Variants in FRMD4A observed in about 807,000 individuals in gnomAD.
FRMD4A encodes FERM domain containing 4A, also known as FERM domain-containing protein 4A.
FRMD4A carries 29 observed loss-of-function variants against 129.1 expected under a neutral mutation model. That is an observed-to-expected ratio of 0.22 (90% CI 0.17 to 0.31). The LOEUF is 0.31. FRMD4A is among the 10% of genes least tolerant of loss of function. The probability of loss-of-function intolerance (pLI) is 1.00; values close to 1 mark genes in which losing one functional copy is unlikely to be tolerated. For missense variants in FRMD4A, 1,272 were observed against 1,375.8 expected, an observed-to-expected ratio of 0.92 and a Z score of 1.19; for synonymous variants, 634 against 571.6, an observed-to-expected ratio of 1.11 and a Z score of -1.56.
At chr10:13,760,884 T>TTC (rs397728560) in intron 8 of FRMD4A, among the ~76,000 whole-genome samples, 1 of 145,954 alleles carries the variant, frequency 6.9e-6, no homozygotes, top group Non-Finnish European at 1.5e-5. Flanking sequence ...TTTTTTTTTT[T>TTC]CAGAGGAGCT....
intron 8 of FRMD4A, among the ~76,000 whole-genome samples, chr10:13,758,790 G>C (rs546338720): frequency 3.9e-5 from 6 of 152,116 alleles, no homozygotes; most frequent in African/African-American, 1.4e-4. Context: ...GATTTTAGTT[G>C]AACTAAGGAG....
chr10:13,801,879 A>C (rs2400022), intron 4 of FRMD4A, among the ~76,000 whole-genome samples: 151,088 of 152,246 alleles, frequency 0.99, 74,987 homozygotes, highest in East Asian at 1. Flanking sequence ...GAATGGGACG[A>C]AAAGTCATAA....
At chr10:14,259,249 G>A (rs1844719223) in intron 2 of FRMD4A, among the ~76,000 whole-genome samples, 1 of 152,080 alleles carries the variant, frequency 6.6e-6, no homozygotes, top group African/African-American at 2.4e-5. Context: ...CATGTAAATG[G>A]TAATTTACCT....
chr10:14,033,816 GAAAAGAAAGAAAAA>G (rs1833371805), intron 2 of FRMD4A, among the ~76,000 whole-genome samples: 1 of 144,086 alleles, frequency 6.9e-6, no homozygotes, highest in African/African-American at 2.6e-5. Flanking sequence ...GAGAGAGAAA[GAAAAGAAAGAAAAA>G]AAAGAAAAGA....
intron 2 of FRMD4A, among the ~76,000 whole-genome samples, chr10:13,875,217 G>A (rs181719353): frequency 6.1e-4 from 93 of 152,324 alleles, no homozygotes; most frequent in African/African-American, 2.1e-3. Flanking sequence ...GGAGCTAATC[G>A]TCTGAGTGAG....
chr10:14,107,055 T>C (rs1374230019), intron 2 of FRMD4A, among the ~76,000 whole-genome samples: 4 of 152,168 alleles, frequency 2.6e-5, no homozygotes, highest in African/African-American at 9.6e-5. Context: ...TGCAGCAACA[T>C]GGATACAGCT....
intron 6 of FRMD4A, among the ~76,000 whole-genome samples, chr10:13,763,762 G>A (rs1310659624): frequency 6.6e-6 from 1 of 152,032 alleles, no homozygotes; most frequent in Admixed American, 6.6e-5. Context: ...CTGAGACAGA[G>A]TCTTGCTGTG....
chr10:13,993,012 G>T (rs1326112366), intron 2 of FRMD4A, among the ~76,000 whole-genome samples: 4 of 144,070 alleles, frequency 2.8e-5, no homozygotes, highest in Non-Finnish European at 6.1e-5. Context: ...GTAATGACTA[G>T]CCAACATATC....
intron 2 of FRMD4A, among the ~76,000 whole-genome samples, chr10:14,127,847 C>T (rs2131821249): frequency 6.6e-6 from 1 of 152,328 alleles, no homozygotes; most frequent in South Asian, 2.1e-4. Flanking sequence ...CTGAAGCCTT[C>T]CTAAATTATC....
intron 2 of FRMD4A, among the ~76,000 whole-genome samples, chr10:13,861,278 T>C (rs999188642): frequency 6.6e-6 from 1 of 152,174 alleles, no homozygotes; most frequent in African/African-American, 2.4e-5. Flanking sequence ...CAAGAAAAGA[T>C]AGTCTCTTCT....
chr10:14,062,009 A>C (rs1355971445), intron 2 of FRMD4A, among the ~76,000 whole-genome samples: 1 of 148,404 alleles, frequency 6.7e-6, no homozygotes, highest in African/African-American at 2.6e-5. Flanking sequence ...AAATAAATCA[A>C]AACTCAAAAT....
At chr10:14,106,105 C>A (rs1314997323) in intron 2 of FRMD4A, among the ~76,000 whole-genome samples, 1 of 152,048 alleles carries the variant, frequency 6.6e-6, no homozygotes, top group Admixed American at 6.6e-5. Flanking sequence ...CCTTTATTCA[C>A]CAATTTTCAA....
intron 3 of FRMD4A, among the ~76,000 whole-genome samples, chr10:13,830,838 G>A (rs1032787511): frequency 1.3e-5 from 2 of 152,170 alleles, no homozygotes; most frequent in African/African-American, 4.8e-5. Context: ...CACCCAGGCA[G>A]GAGTTCAATG....
intron 2 of FRMD4A, among the ~76,000 whole-genome samples, chr10:14,193,470 C>CA (rs1842379828): frequency 7.4e-6 from 1 of 135,520 alleles, no homozygotes; most frequent in Non-Finnish European, 1.6e-5. Flanking sequence ...ACCCACCCAC[C>CA]CACCCACACA....
At chr10:13,793,402 C>T (rs1039796266) in intron 5 of FRMD4A, among the ~76,000 whole-genome samples, 1 of 152,144 alleles carries the variant, frequency 6.6e-6, no homozygotes, top group South Asian at 2.1e-4. Context: ...AACCTCCTAA[C>T]TTCAGATGAT....
intron 2 of FRMD4A, among the ~76,000 whole-genome samples, chr10:14,320,564 T>TCCCTGC (rs1846937571): frequency 6.6e-6 from 1 of 152,244 alleles, no homozygotes; most frequent in South Asian, 2.1e-4. Context: ...CACACACCTG[T>TCCCTGC]CCCTGCCCCT....
intron 2 of FRMD4A, among the ~76,000 whole-genome samples, chr10:14,197,882 C>G (rs2131934438): frequency 6.6e-6 from 1 of 152,322 alleles, no homozygotes; most frequent in East Asian, 1.9e-4. Flanking sequence ...TTCCACGAGA[C>G]AGAATATTCT....
chr10:13,803,304 A>G (rs1019830235), intron 4 of FRMD4A, among the ~76,000 whole-genome samples: 1 of 152,206 alleles, frequency 6.6e-6, no homozygotes, highest in Non-Finnish European at 1.5e-5. Flanking sequence ...ACTATGTTTT[A>G]GTAAGCCTAT....
chr10:14,291,609 G>A (rs532287921), intron 2 of FRMD4A, among the ~76,000 whole-genome samples: 3 of 152,000 alleles, frequency 2.0e-5, no homozygotes, highest in Non-Finnish European at 2.9e-5. Flanking sequence ...ATGTATTCAC[G>A]ATAAAAATAA....
Sources: allele counts gnomAD v4.1 joint callset (sites outside exome capture counted in the v4.1 genomes callset), GRCh38; gene constraint gnomAD v4.1.1; transcripts MANE v1.5; gene names NCBI Gene and HGNC (gene_info 2026-07-23, HGNC 2026-07-21).